Variants in NTAQ1 observed in about 807,000 individuals in gnomAD.
The protein encoded by NTAQ1 is protein N-terminal glutamine amidohydrolase.
In NTAQ1, 21 loss-of-function variants were observed where a neutral mutation model predicts 28.2. The ratio of observed to expected loss-of-function variants is 0.74; its 90% CI spans 0.53 to 1.07. The LOEUF (loss-of-function observed/expected upper bound fraction) is 1.07, where lower values mean the gene tolerates loss of function less well. NTAQ1 is among the 50% of genes least tolerant of loss of function. NTAQ1 has a pLI of 0.00. For missense variants in NTAQ1, 264 were observed against 256.6 expected (o/e 1.03, Z -0.20); for synonymous variants, 105 against 90.0 (o/e 1.17, Z -0.94).
chr8:123,416,751 C>A, upstream of NTAQ1: 2 of 1,235,688 alleles, frequency 1.6e-6, no homozygotes, highest in Non-Finnish European at 1.1e-6. Context: ...CCGCCCACCC[C>A]ACGCCGGGAA....
chr8:123,444,505 AAGC>A (rs1160815802), downstream of NTAQ1, among the ~76,000 whole-genome samples: 1 of 151,230 alleles, frequency 6.6e-6, no homozygotes, highest in Non-Finnish European at 1.5e-5. Flanking sequence ...TGGCTGACTA[AAGC>A]AAAAAATTTT....
chr8:123,471,283 C>T, downstream of NTAQ1, among the ~76,000 whole-genome samples: 1 of 152,120 alleles, frequency 6.6e-6, no homozygotes, highest in Non-Finnish European at 1.5e-5. Context: ...GCTCACTCTA[C>T]TCCACTGTGA....
intron 6 of NTAQ1, among the ~76,000 whole-genome samples, chr8:123,461,299 C>T (rs1815816729): frequency 6.6e-6 from 1 of 152,178 alleles, no homozygotes; most frequent in Non-Finnish European, 1.5e-5. Context: ...TTGGCACCTG[C>T]TCAGTGACCT....
At chr8:123,455,508 C>G (rs756137800) in intron 6 of NTAQ1, among the ~76,000 whole-genome samples, 1 of 150,626 alleles carries the variant, frequency 6.6e-6, no homozygotes, top group Non-Finnish European at 1.5e-5. Context: ...TCATTACAAC[C>G]GTCGCCTCCT....
At chr8:123,469,226 A>G (rs1284839785) in exon 7 of NTAQ1, among the ~76,000 whole-genome samples, 1 of 152,208 alleles carries the variant, frequency 6.6e-6, no homozygotes, top group Non-Finnish European at 1.5e-5. Context: ...TAAGTTTGAT[A>G]TAATTCCATT....
chr8:123,437,095 C>A lies in NTAQ1; in HGVS notation c.384-115C>A, dbSNP rs72724294. On this transcript the variant is annotated intron_variant, in intron 4 of 5. Transcript: ENST00000287387. Reference sequence around the variant, plus strand: ...AAAGTTGCCTGTATTACTAACCATACAGAAATGCATGAGTAGTTTTGTGCA... The same window carrying A: ...AAAGTTGCCTGTATTACTAACCATAAAGAAATGCATGAGTAGTTTTGTGCA... 3 of 1,383,442 alleles carry A rather than the reference C, an allele frequency of 2.2e-6. No homozygotes were observed. The South Asian group carries it at 4.1e-5, about 19-fold the overall frequency. 85.7% of individuals were successfully genotyped at this position (1,383,442 alleles called of 1,614,324 possible). A position where few individuals can be genotyped will look rare whatever the true frequency, so the allele number is the denominator to read the frequency against.
chr8:123,424,461 C>T (rs1012801134), intron 1 of NTAQ1, among the ~76,000 whole-genome samples: 1 of 152,152 alleles, frequency 6.6e-6, no homozygotes, highest in Non-Finnish European at 1.5e-5. Context: ...CCAGGCTGGT[C>T]TTGAACGCCT....
intron 6 of NTAQ1, among the ~76,000 whole-genome samples, chr8:123,460,546 CTG>C (rs1399244899): frequency 6.6e-6 from 1 of 152,210 alleles, no homozygotes; most frequent in African/African-American, 2.4e-5. Flanking sequence ...AGTGGGCTGT[CTG>C]TGGCACACGG....
downstream of NTAQ1, among the ~76,000 whole-genome samples, chr8:123,452,421 A>C (rs1055971962): frequency 6.6e-6 from 1 of 152,160 alleles, no homozygotes; most frequent in Non-Finnish European, 1.5e-5. Flanking sequence ...ACATGATGAA[A>C]CCCTGTCTCT....
chr8:123,443,435 T>C (rs1183998568), downstream of NTAQ1, among the ~76,000 whole-genome samples: 2 of 152,252 alleles, frequency 1.3e-5, no homozygotes, highest in East Asian at 3.8e-4. Context: ...GTTGTAACAC[T>C]ACCGCTTCAA....
At position 123,435,449 on chromosome 8, in the gene NTAQ1, C is replaced by T. The variant is rs189268673; in HGVS notation, c.235-1004C>T. On this transcript the variant is annotated intron_variant, in intron 3 of 5. Coordinates refer to ENST00000287387, the MANE Select transcript of NTAQ1 (RefSeq NM_018024.3). ...CCTCCTTCTCCTCTCCAGGCTGACC[C>T]CCAGAAGCCTCCTTTGTTACTAGTT... 1.6e-3 allele frequency: 1,572 copies of T among 985,410 alleles called. 2 individuals are homozygous for T. Among genetic ancestry groups the T allele is most frequent in the South Asian group, 4.7e-3 (100 of 21,284 alleles). 61.0% of individuals were successfully genotyped at this position (985,410 alleles called of 1,614,324 possible).
At chr8:123,440,403 CT>C (rs1814986208) in intron 5 of NTAQ1, among the ~76,000 whole-genome samples, 1 of 150,630 alleles carries the variant, frequency 6.6e-6, no homozygotes, top group Admixed American at 6.6e-5. Flanking sequence ...TGATCCACCC[CT>C]CTTAGCTTCC....
At chr8:123,462,798 C>T (rs917572766) in intron 6 of NTAQ1, among the ~76,000 whole-genome samples, 2 of 152,206 alleles carry the variant, frequency 1.3e-5, no homozygotes, top group Non-Finnish European at 2.9e-5. Flanking sequence ...AGCATGCCCC[C>T]AATTCACCAG....
At chr8:123,470,954 G>A (rs982153665), downstream of NTAQ1, among the ~76,000 whole-genome samples, 7 of 149,552 alleles carry the variant, frequency 4.7e-5, no homozygotes, top group African/African-American at 5.0e-5. Context: ...AGGATAGCAC[G>A]CTGTTGCTCA....
At chr8:123,419,483 C>A (rs979769539) in intron 1 of NTAQ1, among the ~76,000 whole-genome samples, 4 of 152,158 alleles carry the variant, frequency 2.6e-5, no homozygotes, top group Admixed American at 2.6e-4. Flanking sequence ...ATGTTACTTA[C>A]GCTTCAAGAC....
At chr8:123,426,926 C>T (rs6993896) in intron 1 of NTAQ1, among the ~76,000 whole-genome samples, 1 of 152,036 alleles carries the variant, frequency 6.6e-6, no homozygotes, top group East Asian at 1.9e-4. Context: ...CACCACTGCA[C>T]TCCATCCTGG....
At chr8:123,417,009 C>T in intron 1 of NTAQ1, 77 bp downstream of exon 1, 2 of 1,341,326 alleles carry the variant, frequency 1.5e-6, no homozygotes, top group East Asian at 3.1e-5. Context: ...CGCCTCTTCC[C>T]GGCCCCTCCT....
At chr8:123,435,331 G>T in intron 3 of NTAQ1, 1 of 280,524 alleles carries the variant, frequency 3.6e-6, no homozygotes, top group South Asian at 1.4e-4. Flanking sequence ...TCCCTTAGTG[G>T]CTACAGATGA....
chr8:123,419,515 C>T (rs1303239473), intron 1 of NTAQ1, among the ~76,000 whole-genome samples: 1 of 152,176 alleles, frequency 6.6e-6, no homozygotes, highest in Non-Finnish European at 1.5e-5. Flanking sequence ...ATAATAGTGG[C>T]AGCCAGTATT....
Sources: gnomAD v4.1 joint callset for allele counts (sites outside exome capture counted in the v4.1 genomes callset) on GRCh38, gnomAD v4.1.1 for gene constraint, MANE v1.5 for transcripts, NCBI Gene and HGNC (gene_info 2026-07-23, HGNC 2026-07-21) for gene names.